The following EXOC2 variants were observed in gnomAD, a reference collection of about 807,000 sequenced individuals.
EXOC2 encodes the protein SEC5-like 1.
Under a neutral mutation model 131.8 loss-of-function variants are expected in EXOC2, and 70 were observed. The observed-to-expected ratio is 0.53, with a 90% CI of 0.44 to 0.65. EXOC2 has a LOEUF of 0.65. EXOC2 is among the 30% of genes least tolerant of loss of function. EXOC2 has a pLI of 0.00. For synonymous variants in EXOC2, 411 were observed against 398.4 expected, an observed-to-expected ratio of 1.03 and a Z score of -0.38; for missense variants, 923 against 1,108.6, an observed-to-expected ratio of 0.83 and a Z score of 2.38.
intron 11 of EXOC2, among the ~76,000 whole-genome samples, chr6:584,880 C>T (rs1159017859): frequency 6.6e-6 from 1 of 152,252 alleles, no homozygotes; most frequent in East Asian, 1.9e-4. Flanking sequence ...TCAGACATAG[C>T]CAGCATATAT....
At chr6:689,102 G>C (rs1764798509) in intron 1 of EXOC2, 1 of 152,212 alleles carries the variant, frequency 6.6e-6, no homozygotes, top group African/African-American at 2.4e-5. Context: ...CCGGGCACTA[G>C]TCTTGAAGCT....
At position 661,668 on chromosome 6, in the gene EXOC2, C is replaced by T. The variant is rs150887973; in HGVS notation, c.-43-23807G>A. On this transcript the variant is annotated intron_variant, in intron 1 of 27. Coordinates refer to ENST00000230449, the MANE Select transcript of EXOC2 (RefSeq NM_018303.6). ...ACTCTTGAAACAAATCCTGGAAACA[C>T]AACAAAACAGAACCTCTTTAAAGCA... Among the ~76,000 whole-genome samples, 821 of 152,180 alleles carry T rather than the reference C, an allele frequency of 5.4e-3. 7 individuals carry two copies. The highest frequency in any genetic ancestry group is 0.019 in the African/African-American group (768 of 41,512).
At chr6:631,260 C>T (rs1320445438) in intron 3 of EXOC2, among the ~76,000 whole-genome samples, 3 of 152,210 alleles carry the variant, frequency 2.0e-5, no homozygotes, top group East Asian at 1.9e-4. Flanking sequence ...GCTTTACTGG[C>T]CGGGTGCAGT....
intron 21 of EXOC2, among the ~76,000 whole-genome samples, chr6:550,410 T>C (rs913524719): frequency 2.0e-5 from 3 of 152,238 alleles, no homozygotes; most frequent in Non-Finnish European, 2.9e-5. Context: ...TAGATTCTTT[T>C]ATTTTGAATG....
At chr6:594,896 C>A (rs1373002706) in intron 10 of EXOC2, among the ~76,000 whole-genome samples, 2 of 148,386 alleles carry the variant, frequency 1.3e-5, no homozygotes, top group Admixed American at 1.4e-4. Flanking sequence ...CATGTTATCG[C>A]CATTTCTTTT....
At chr6:608,702 G>A (rs1301122869) in intron 7 of EXOC2, among the ~76,000 whole-genome samples, 3 of 150,922 alleles carry the variant, frequency 2.0e-5, no homozygotes, top group African/African-American at 7.5e-5. Context: ...ACATGAAACA[G>A]ACCCTAGAAT....
At chr6:600,823 T>C (rs1006726039) in intron 7 of EXOC2, among the ~76,000 whole-genome samples, 10 of 152,222 alleles carry the variant, frequency 6.6e-5, no homozygotes, top group African/African-American at 2.2e-4. Flanking sequence ...CATGTACTTA[T>C]ATGTTGAAAA....
At chr6:496,714 A>G (rs1210743518) in intron 25 of EXOC2, among the ~76,000 whole-genome samples, 1 of 149,394 alleles carries the variant, frequency 6.7e-6, no homozygotes, top group Middle Eastern at 3.4e-3. Context: ...TTTCAAAATT[A>G]AAAAAAAAAT....
In EXOC2 at chr6:615,185, GT is replaced by G. The variant is rs1561927774; in HGVS notation, c.661+2525del. 6.3e-3 allele frequency among the ~76,000 whole-genome samples: 756 copies of G among 120,654 alleles called. 7 individuals carry two copies. The highest frequency in any genetic ancestry group is 0.029 in the African/African-American group (642 of 21,958). The allele number at this position is 120,654 out of a possible 152,430, so 79.2% of individuals were successfully genotyped here. On this transcript the variant is annotated intron_variant, in intron 6 of 27. Transcript: ENST00000230449. Reference sequence around the variant, plus strand: ...TTGAAAAGTATATGTGGGTGTGGGTGTGTGTGTGTGTGTGTGTGTGTGTGTA... The same window carrying G: ...TTGAAAAGTATATGTGGGTGTGGGTGGTGTGTGTGTGTGTGTGTGTGTGTA...
chr6:545,009 C>T (rs1186287651), intron 22 of EXOC2, among the ~76,000 whole-genome samples: 2 of 151,106 alleles, frequency 1.3e-5, no homozygotes, highest in African/African-American at 2.4e-5. Context: ...TAGCCGGGCG[C>T]AGTGGCGGGT....
intron 1 of EXOC2, among the ~76,000 whole-genome samples, chr6:654,803 CAAAA>C (rs66637987): frequency 3.5e-3 from 102 of 29,470 alleles, no homozygotes; most frequent in African/African-American, 4.6e-3. Context: ...GACCCTGTCT[CAAAA>C]AAAAAAAAAA....
At chr6:636,838 A>G (rs1445909241) in intron 2 of EXOC2, among the ~76,000 whole-genome samples, 1 of 152,234 alleles carries the variant, frequency 6.6e-6, no homozygotes, top group East Asian at 1.9e-4. Context: ...AATTATACTT[A>G]AAACTCTCTA....
intron 1 of EXOC2, among the ~76,000 whole-genome samples, chr6:668,194 C>A (rs1763701832): frequency 6.6e-6 from 1 of 152,038 alleles, no homozygotes. Flanking sequence ...TGGATAGTTG[C>A]CTATTATTAA....
chr6:544,779 T>A (rs1389364979), intron 22 of EXOC2, among the ~76,000 whole-genome samples: 1 of 152,166 alleles, frequency 6.6e-6, no homozygotes, highest in Non-Finnish European at 1.5e-5. Context: ...GGAACTTCCC[T>A]GGACATATAA....
At chr6:598,822 G>A (rs762410230) in intron 9 of EXOC2, 38 bp downstream of exon 9, 4 of 1,504,048 alleles carry the variant, frequency 2.7e-6, no homozygotes, top group Non-Finnish European at 3.6e-6. Flanking sequence ...TCCTATAAAA[G>A]GAAAGGAGAA....
At chr6:657,039 GC>G in intron 1 of EXOC2, 2 of 1,059,726 alleles carry the variant, frequency 1.9e-6, no homozygotes, top group South Asian at 2.0e-5. Flanking sequence ...TGCCCTCCCC[GC>G]CCTCCCTCCG....
chr6:512,970 GA>G lies in EXOC2; in HGVS notation c.2381-13271del, dbSNP rs543003020. Among the ~76,000 whole-genome samples, 11 of 152,314 alleles carry G rather than the reference GA, an allele frequency of 7.2e-5. No individual in the cohort carries two copies. In the South Asian group the frequency reaches 2.3e-3, roughly 32 times the overall value. On this transcript the variant is annotated intron_variant, in intron 23 of 27. Coordinates refer to ENST00000230449, the MANE Select transcript of EXOC2 (RefSeq NM_018303.6). ...AATAAATCCATGAGGTTTTCAATAT[GA>G]ACCAAAGCAAAATGTCGTCTGGCAT... is the stretch of plus-strand genomic sequence containing the variant.
At chr6:530,595 G>A (rs1581376952) in intron 23 of EXOC2, among the ~76,000 whole-genome samples, 1 of 152,252 alleles carries the variant, frequency 6.6e-6, no homozygotes, top group Non-Finnish European at 1.5e-5. Flanking sequence ...GGGCAGGAGA[G>A]GTTAGGAGAG....
chr6:606,776 C>T (rs1760440910), intron 7 of EXOC2, among the ~76,000 whole-genome samples: 1 of 152,238 alleles, frequency 6.6e-6, no homozygotes, highest in Non-Finnish European at 1.5e-5. Context: ...GTCTCAAAGA[C>T]AGGAGGACCT....
Sources: gnomAD v4.1 joint callset for allele counts (sites outside exome capture counted in the v4.1 genomes callset) on GRCh38, gnomAD v4.1.1 for gene constraint, MANE v1.5 for transcripts, NCBI Gene and HGNC (gene_info 2026-07-23, HGNC 2026-07-21) for gene names.